The following ZRANB3 variants were observed in gnomAD, a reference collection of about 807,000 sequenced individuals.
ZRANB3 encodes the protein DNA annealing helicase and endonuclease ZRANB3.
In ZRANB3, 125 loss-of-function variants were observed where a neutral mutation model predicts 133.8. That is an observed-to-expected ratio of 0.93 (90% CI 0.81 to 1.08). The LOEUF (loss-of-function observed/expected upper bound fraction) is 1.08, where lower values mean the gene tolerates loss of function less well. Among genes scored for constraint, ZRANB3 ranks in the 50% least tolerant of loss-of-function variants. The pLI is 0.00. For synonymous variants in ZRANB3, 387 were observed against 432.7 expected (o/e 0.89, Z 1.31); for missense variants, 1,229 against 1,275.5 (o/e 0.96, Z 0.56).
At chr2:135,299,967 A>G (rs919411090) in intron 8 of ZRANB3, among the ~76,000 whole-genome samples, 1 of 152,194 alleles carries the variant, frequency 6.6e-6, no homozygotes, top group African/African-American at 2.4e-5. Context: ...TTGAAGATCT[A>G]TAAAATTAGG....
At chr2:135,326,977 T>A (rs1683868270) in intron 6 of ZRANB3, among the ~76,000 whole-genome samples, 1 of 145,248 alleles carries the variant, frequency 6.9e-6, no homozygotes, top group South Asian at 2.2e-4. Context: ...ATAGATAAAA[T>A]ACAATCTCTA....
intron 2 of ZRANB3, among the ~76,000 whole-genome samples, chr2:135,483,615 A>G (rs546336548): frequency 6.6e-6 from 1 of 151,822 alleles, no homozygotes; most frequent in Non-Finnish European, 1.5e-5. Flanking sequence ...TATTTCCTTC[A>G]GTTCTGCTCT....
chr2:135,516,675 C>T (rs919468201), intron 1 of ZRANB3, among the ~76,000 whole-genome samples: 5 of 152,158 alleles, frequency 3.3e-5, no homozygotes, highest in African/African-American at 1.2e-4. Context: ...ACCCAGGTAA[C>T]CCAGCCTTTC....
intron 16 of ZRANB3, among the ~76,000 whole-genome samples, chr2:135,217,811 A>C (rs1233194818): frequency 6.6e-6 from 1 of 152,120 alleles, no homozygotes; most frequent in African/African-American, 2.4e-5. Context: ...CTCAAGAGAT[A>C]TCTCTTTTTT....
At chr2:135,299,282 G>A (rs917419688) in intron 8 of ZRANB3, among the ~76,000 whole-genome samples, 3 of 152,088 alleles carry the variant, frequency 2.0e-5, no homozygotes, top group Admixed American at 6.6e-5. Flanking sequence ...CCAGGGAAGT[G>A]GGGGAAAGCC....
intron 6 of ZRANB3, among the ~76,000 whole-genome samples, chr2:135,336,513 C>T (rs1334061803): frequency 1.3e-5 from 2 of 152,132 alleles, no homozygotes; most frequent in African/African-American, 4.8e-5. Flanking sequence ...GAGTTAGAGT[C>T]TATGGAACCA....
intron 2 of ZRANB3, among the ~76,000 whole-genome samples, chr2:135,503,924 C>A (rs114771097): frequency 6.6e-6 from 1 of 151,734 alleles, no homozygotes; most frequent in African/African-American, 2.4e-5. Flanking sequence ...GAGCCAAGAT[C>A]GTACCACTAC....
chr2:135,514,599 A>C (rs1385999430), intron 1 of ZRANB3, among the ~76,000 whole-genome samples: 1 of 152,146 alleles, frequency 6.6e-6, no homozygotes, highest in Non-Finnish European at 1.5e-5. Flanking sequence ...AGACAATTTG[A>C]CTTCCTCTCT....
At chr2:135,520,413 CTTTTTTT>C (rs75698016) in intron 1 of ZRANB3, among the ~76,000 whole-genome samples, 10 of 133,884 alleles carry the variant, frequency 7.5e-5, no homozygotes, top group East Asian at 6.6e-4. Flanking sequence ...AAAAGGATTT[CTTTTTTT>C]TTTTTTTTTT....
intron 3 of ZRANB3, among the ~76,000 whole-genome samples, chr2:135,382,447 C>A (rs369637989): frequency 3.2e-4 from 49 of 152,240 alleles, no homozygotes; most frequent in Non-Finnish European, 5.6e-4. Flanking sequence ...GAACTTCCCC[C>A]ATCTAGCAAG....
intron 1 of ZRANB3, among the ~76,000 whole-genome samples, chr2:135,525,156 T>C (rs1044805228): frequency 2.6e-5 from 4 of 152,130 alleles, no homozygotes; most frequent in Non-Finnish European, 4.4e-5. Context: ...TATGAAGTAA[T>C]TTTTAAAAAA....
Position 135,207,457 on chromosome 2 carries a change from T to A in ZRANB3, c.2986A>T (p.Thr996Ser). The A allele has an allele frequency of 6.2e-7, 1 of 1,612,606 alleles. No homozygotes were observed. Among genetic ancestry groups the A allele is most frequent in the Non-Finnish European group, 8.5e-7 (1 of 1,179,154 alleles). ...ACCTGTTCTAATGGGAGCTTTGAAG[T>A]CCAGGTAGCATACAGAAGATTCTTC... Reference protein sequence around the residue: ...QRKNLLYATWTSKLPLEQLNE... With the variant: ...QRKNLLYATWSSKLPLEQLNE... Residue 996 changes from threonine (T) to serine (S), a missense_variant, in exon 19 of 21, where the codon ACT (threonine) becomes TCT (serine). By Grantham distance (58) the Thr-to-Ser change is moderately conservative. Coordinates refer to ENST00000264159, the MANE Select transcript of ZRANB3 (RefSeq NM_032143.4).
chr2:135,412,166 A>G (rs981013534), intron 2 of ZRANB3, among the ~76,000 whole-genome samples: 1 of 152,200 alleles, frequency 6.6e-6, no homozygotes, highest in Non-Finnish European at 1.5e-5. Flanking sequence ...TCCACAATAT[A>G]GAGACTATAA....
At chr2:135,385,793 A>G (rs1383968618) in intron 3 of ZRANB3, among the ~76,000 whole-genome samples, 1 of 152,204 alleles carries the variant, frequency 6.6e-6, no homozygotes, top group Non-Finnish European at 1.5e-5. Context: ...CATGTGTAGA[A>G]AGCCGAAACT....
At chr2:135,238,332 C>T (rs994910925) in intron 12 of ZRANB3, among the ~76,000 whole-genome samples, 1 of 151,620 alleles carries the variant, frequency 6.6e-6, no homozygotes, top group African/African-American at 2.4e-5. Context: ...CTTCCTTGAA[C>T]GTGAGTAGAC....
intron 2 of ZRANB3, among the ~76,000 whole-genome samples, chr2:135,438,076 C>T (rs1209402188): frequency 6.6e-6 from 1 of 152,154 alleles, no homozygotes; most frequent in South Asian, 2.1e-4. Context: ...AATATCACCA[C>T]CAATTTTCCT....
rs1558928847 is a variant in ZRANB3, at chr2:135,340,772, C to CAA, written c.677+4777_677+4778insTT. ...TCGGGAGGCTGAGGCAGGAGAATTG[C>CAA]TTGAACCTAGGAGGTGGAGGTTGCA... is the stretch of plus-strand genomic sequence containing the variant. On this transcript the variant is annotated intron_variant, in intron 6 of 20. Transcript: ENST00000264159. 4.8e-3 allele frequency among the ~76,000 whole-genome samples: 718 copies of CAA among 150,886 alleles called. 26 individuals carry two copies. Among genetic ancestry groups the CAA allele is most frequent in the African/African-American group, 0.017 (689 of 40,254 alleles).
intron 1 of ZRANB3, among the ~76,000 whole-genome samples, chr2:135,527,408 A>C (rs1694207840): frequency 6.6e-6 from 1 of 152,060 alleles, no homozygotes; most frequent in African/African-American, 2.4e-5. Context: ...AAAATACAAA[A>C]GTTAGCCAGG....
chr2:135,230,310 T>C (rs1694940051), intron 13 of ZRANB3, among the ~76,000 whole-genome samples: 2 of 152,340 alleles, frequency 1.3e-5, no homozygotes, highest in Admixed American at 6.5e-5. Flanking sequence ...TTTGGGGATA[T>C]ACATTCTTGA....
Sources: allele counts gnomAD v4.1 joint callset (sites outside exome capture counted in the v4.1 genomes callset), GRCh38; gene constraint gnomAD v4.1.1; transcripts MANE v1.5; gene names NCBI Gene and HGNC (gene_info 2026-07-23, HGNC 2026-07-21).